Variants in ZNF680 observed in about 807,000 individuals in gnomAD.
The protein encoded by ZNF680 is hypothetical protein FLJ90430.
Under a neutral mutation model 12.1 loss-of-function variants are expected in ZNF680, and 6 were observed. The observed-to-expected ratio is 0.49, with a 90% CI of 0.27 to 0.98. ZNF680 has a LOEUF of 0.98. Ranked by LOEUF, ZNF680 falls within the 50% of genes least tolerant of loss-of-function variation. The pLI, the probability that ZNF680 is intolerant of heterozygous loss-of-function variation, is 0.12. For missense variants in ZNF680, 561 were observed against 616.3 expected (o/e 0.91, Z 0.95); for synonymous variants, 170 against 199.3 (o/e 0.85, Z 1.24).
At chr7:64,553,829 T>C (rs950566989) in intron 1 of ZNF680, among the ~76,000 whole-genome samples, 6 of 152,322 alleles carry the variant, frequency 3.9e-5, no homozygotes, top group African/African-American at 1.4e-4. Context: ...TCAAGTGATC[T>C]GCCCGCCACG....
chr7:64,544,003 CA>C, intron 2 of ZNF680: 2 of 604,052 alleles, frequency 3.3e-6, no homozygotes, highest in Non-Finnish European at 5.4e-6. Context: ...ACTACTGAAT[CA>C]AAAATTGGTG....
chr7:64,501,408 TAAG>T, the ZNF680 span: 35 of 1,122,518 alleles, frequency 3.1e-5, 1 homozygote, highest in Admixed American at 5.8e-4. Flanking sequence ...TTTAGGCCAT[TAAG>T]AAGGAACTGA....
At chr7:64,501,691 G>T in the ZNF680 span, 8 of 1,045,002 alleles carry the variant, frequency 7.7e-6, no homozygotes, top group East Asian at 2.0e-4. Context: ...GGAAGGAGAG[G>T]ATGACAGAGA....
the ZNF680 span, among the ~76,000 whole-genome samples, chr7:64,499,379 G>A: frequency 6.6e-6 from 1 of 152,138 alleles, no homozygotes; most frequent in Non-Finnish European, 1.5e-5. Flanking sequence ...TTAAGTTCTA[G>A]CTCCCTTTCT....
At chr7:64,555,733 AAT>A (rs1203134193) in intron 1 of ZNF680, among the ~76,000 whole-genome samples, 4 of 87,528 alleles carry the variant, frequency 4.6e-5, no homozygotes, top group African/African-American at 6.3e-5. Context: ...TGTAAAAAAA[AAT>A]ATATATATAT....
At chr7:64,500,299 T>C in the ZNF680 span, among the ~76,000 whole-genome samples, 1 of 150,948 alleles carries the variant, frequency 6.6e-6, no homozygotes, top group East Asian at 1.9e-4. Context: ...CTCCTGGATA[T>C]AAAAAAAGGA....
At chr7:64,501,554 T>C in the ZNF680 span, 2 of 756,700 alleles carry the variant, frequency 2.6e-6, no homozygotes, top group African/African-American at 3.5e-5. Flanking sequence ...TGAAGAAAAA[T>C]GAGATTAATG....
At chr7:64,542,918 CA>C (rs1176805902) in intron 3 of ZNF680, among the ~76,000 whole-genome samples, 1 of 152,144 alleles carries the variant, frequency 6.6e-6, no homozygotes, top group African/African-American at 2.4e-5. Context: ...AGGCTGGTCT[CA>C]AACTCCTGAC....
chr7:64,550,244 G>A (rs564075252), intron 1 of ZNF680, among the ~76,000 whole-genome samples: 1 of 152,308 alleles, frequency 6.6e-6, no homozygotes, highest in South Asian at 2.1e-4. Flanking sequence ...AAGCTATAGG[G>A]TGTGGGTTAT....
At chr7:64,549,929 G>A (rs1306249351) in intron 1 of ZNF680, among the ~76,000 whole-genome samples, 1 of 152,160 alleles carries the variant, frequency 6.6e-6, no homozygotes, top group Non-Finnish European at 1.5e-5. Context: ...GCTGCAGTGA[G>A]CAGAGATCGC....
intron 1 of ZNF680, among the ~76,000 whole-genome samples, chr7:64,553,738 G>A (rs997165313): frequency 4.7e-5 from 7 of 150,264 alleles, no homozygotes; most frequent in African/African-American, 7.3e-5. Context: ...GGCGCGCGCC[G>A]CCACGCCAGA....
chr7:64,515,377 G>GC (rs1791330124), downstream of ZNF680, among the ~76,000 whole-genome samples: 1 of 151,608 alleles, frequency 6.6e-6, no homozygotes, highest in Admixed American at 6.6e-5. Context: ...CCTACACAAT[G>GC]CCCCTTTCAA....
intron 1 of ZNF680, among the ~76,000 whole-genome samples, chr7:64,545,263 CAAAAAAAAAAAAAAA>C (rs532422147): frequency 4.7e-4 from 42 of 89,734 alleles, no homozygotes; most frequent in East Asian, 2.9e-3. Flanking sequence ...GACTCCATCT[CAAAAAAAAAAAAAAA>C]AAAAAAAAAA....
the ZNF680 span, among the ~76,000 whole-genome samples, chr7:64,510,421 AC>A: frequency 6.6e-6 from 1 of 152,192 alleles, no homozygotes; most frequent in South Asian, 2.1e-4. Context: ...AATAAAAAAA[AC>A]AGGTTTATTA....
In ZNF680 at chr7:64,520,149, C is replaced by A. The variant is rs539455617; in HGVS notation, c.*1012G>T. 4.0e-5 allele frequency: 6 copies of A among 151,670 alleles called. No homozygotes were observed. Among genetic ancestry groups the A allele is most frequent in the African/African-American group, 1.4e-4 (6 of 41,510 alleles). 9.4% of individuals were successfully genotyped at this position (151,670 alleles called of 1,614,324 possible). ...TCATCATAAACCTTACATTTTAATG[C>A]CCATACTCTTCCACAGAAAAAACCA... On this transcript the variant is annotated 3_prime_UTR_variant, in exon 4 of 4. Coordinates refer to ENST00000309683, the MANE Select transcript of ZNF680 (RefSeq NM_178558.5).
intron 3 of ZNF680, among the ~76,000 whole-genome samples, chr7:64,541,558 G>T (rs899939694): frequency 2.0e-5 from 3 of 152,190 alleles, no homozygotes; most frequent in African/African-American, 7.2e-5. Context: ...GCCTTTAAGA[G>T]AGCTTTGAGA....
the ZNF680 span, among the ~76,000 whole-genome samples, chr7:64,508,895 A>T: frequency 5.9e-5 from 9 of 152,166 alleles, no homozygotes; most frequent in African/African-American, 2.2e-4. Flanking sequence ...ATGTAACTTT[A>T]AAAAATTGCC....
intron 2 of ZNF680, chr7:64,544,004 A>G (rs1015417394): frequency 4.9e-6 from 3 of 607,308 alleles, no homozygotes; most frequent in African/African-American, 1.9e-5. Flanking sequence ...CTACTGAATC[A>G]AAAATTGGTG....
At chr7:64,542,861 G>A (rs1239151090) in intron 3 of ZNF680, among the ~76,000 whole-genome samples, 1 of 152,074 alleles carries the variant, frequency 6.6e-6, no homozygotes, top group Non-Finnish European at 1.5e-5. Context: ...ACCATGCCAG[G>A]CTAATTTTTG....
Sources: allele counts gnomAD v4.1 joint callset (sites outside exome capture counted in the v4.1 genomes callset), GRCh38; gene constraint gnomAD v4.1.1; transcripts MANE v1.5; gene names NCBI Gene and HGNC (gene_info 2026-07-23, HGNC 2026-07-21).